Variants in ZNF444 observed in about 807,000 individuals in gnomAD.
ZNF444 encodes the protein endothelial zinc finger protein 2.
ZNF444 carries 8 observed loss-of-function variants against 14.4 expected under a neutral mutation model. The ratio of observed to expected loss-of-function variants is 0.56; its 90% CI spans 0.33 to 1.00. ZNF444 has a LOEUF of 1.00. Ranked by LOEUF, ZNF444 falls within the 50% of genes least tolerant of loss-of-function variation. ZNF444 has a pLI of 0.03. For missense variants in ZNF444, 510 were observed against 504.8 expected (o/e 1.01, Z -0.10); for synonymous variants, 258 against 235.9 (o/e 1.09, Z -0.86).
chr19:56,135,316 A>G (rs191345731), intron 1 of ZNF444, among the ~76,000 whole-genome samples: 15 of 152,328 alleles, frequency 9.8e-5, no homozygotes, highest in African/African-American at 3.4e-4. Context: ...GTTGCATCCC[A>G]TGAAGCTGGC....
upstream of ZNF444, chr19:56,140,867 G>A (rs1199088562): frequency 1.3e-5 from 2 of 152,268 alleles, no homozygotes; most frequent in Non-Finnish European, 2.9e-5. Flanking sequence ...ACGCCGCCAT[G>A]GCTCCTCCTC....
At position 56,160,551 on chromosome 19, in the gene ZNF444, T is replaced by G; in HGVS notation, c.*350T>G. 8.2e-5 allele frequency: 20 copies of G among 243,560 alleles called. No individual in the cohort carries two copies. The highest frequency in any genetic ancestry group is 9.4e-5 in the Non-Finnish European group (12 of 127,266). 15.1% of individuals were successfully genotyped at this position (243,560 alleles called of 1,614,324 possible). A position where few individuals can be genotyped will look rare whatever the true frequency, so the allele number is the denominator to read the frequency against. ...CCTCCATTCCTCTCTCCCTGCCCTT[T>G]TCCTGCCTGAAGAGCAGAGGTGAGG... On this transcript the variant is annotated 3_prime_UTR_variant, in exon 5 of 5. Coordinates refer to ENST00000337080, the MANE Select transcript of ZNF444 (RefSeq NM_018337.4).
In ZNF444 at chr19:56,158,611, C is replaced by T. The variant is rs1312008707; in HGVS notation, c.406+9C>T. 1 of 1,596,618 alleles carries T rather than the reference C, an allele frequency of 6.3e-7. No individual in the cohort carries two copies. The highest frequency in any genetic ancestry group is 8.5e-7 in the Non-Finnish European group (1 of 1,171,058). Reference sequence around the variant, plus strand: ...TGGGATGATTCCCTTAGGTGAGCTGCTGGCCTCTCTGGTTCTCCCCGCCAG... The same window carrying T: ...TGGGATGATTCCCTTAGGTGAGCTGTTGGCCTCTCTGGTTCTCCCCGCCAG... On this transcript the variant is annotated intron_variant, in intron 4 of 4. Transcript: ENST00000337080.
upstream of ZNF444, among the ~76,000 whole-genome samples, chr19:56,137,650 G>A (rs1040635072): frequency 5.9e-5 from 9 of 152,206 alleles, no homozygotes; most frequent in African/African-American, 1.9e-4. Context: ...TGTGTGCCCC[G>A]GCTCAGTTCT....
intron 3 of ZNF444, among the ~76,000 whole-genome samples, chr19:56,148,755 C>T (rs936130822): frequency 2.0e-5 from 3 of 152,060 alleles, no homozygotes; most frequent in Admixed American, 6.5e-5. Context: ...ACAAACGCAG[C>T]GGCTTAGAAA....
intron 3 of ZNF444, among the ~76,000 whole-genome samples, chr19:56,148,295 C>A (rs370811291): frequency 1.3e-5 from 2 of 152,246 alleles, no homozygotes; most frequent in East Asian, 3.9e-4. Flanking sequence ...CCACCTCGAG[C>A]GGCACAGGGG....
rs888047487 is a variant in ZNF444 at position 56,147,250 on chromosome 19, G to A, written c.297+42G>A. On this transcript the variant is annotated intron_variant, in intron 3 of 4. Transcript: ENST00000337080. This position sits in a 1 kb window ranked among gnomAD's most constrained non-coding sequence, Gnocchi z 5.9. ...TGCAAGCGGGGAAGGGAGAGGGGAA[G>A]GTGCCAGGGAAGCCACCAGGAAGCC... 3.6e-6 allele frequency: 5 copies of A among 1,394,484 alleles called. No homozygotes were observed. Among genetic ancestry groups the A allele is most frequent in the Non-Finnish European group, 3.7e-6 (4 of 1,080,660 alleles). The allele number at this position is 1,394,484 out of a possible 1,614,324, so 86.4% of individuals were successfully genotyped here.
chr19:56,149,346 T>C (rs1298562384), intron 3 of ZNF444, among the ~76,000 whole-genome samples: 1 of 107,320 alleles, frequency 9.3e-6, no homozygotes, highest in Non-Finnish European at 1.9e-5. Context: ...CCTTGACCTC[T>C]GCTTCCATCC....
chr19:56,159,580 C>T lies in ZNF444; in HGVS notation c.407-44C>T, dbSNP rs199868589. 9.8e-5 allele frequency: 138 copies of T among 1,411,700 alleles called. No homozygotes were observed. In the East Asian group the frequency reaches 3.0e-3, roughly 31 times the overall value. 87.4% of individuals were successfully genotyped at this position (1,411,700 alleles called of 1,614,324 possible). A position where few individuals can be genotyped will look rare whatever the true frequency, so the allele number is the denominator to read the frequency against. ...ACCCCAGCCTGTGCTGTCCTTGCCC[C>T]GCCCTCGTGCCGACCCAGATGCTGA... On this transcript the variant is annotated intron_variant, in intron 4 of 4. Coordinates refer to ENST00000337080, the MANE Select transcript of ZNF444 (RefSeq NM_018337.4).
Position 56,160,207 on chromosome 19 carries a change from TCCCGGCCAGCGCCATCTCCCG to T in ZNF444, c.*10_*30del. The T allele has an allele frequency of 7.0e-7, 1 of 1,435,656 alleles. No individual in the cohort carries two copies. The highest frequency in any genetic ancestry group is 9.0e-7 in the Non-Finnish European group (1 of 1,105,684). The allele number at this position is 1,435,656 out of a possible 1,614,324, so 88.9% of individuals were successfully genotyped here. ...CGCCCTGGCCCTTGGGTTAGCCGCCTCCCGGCCAGCGCCATCTCCCGCCCTTGGTGCTGCCCCCGGGCGGTA... is the reference window on the plus strand; with the variant it reads ...CGCCCTGGCCCTTGGGTTAGCCGCCTCCCTTGGTGCTGCCCCCGGGCGGTA... On this transcript the variant is annotated 3_prime_UTR_variant, in exon 5 of 5. Transcript: ENST00000337080.
chr19:56,144,001 G>A lies in ZNF444; in HGVS notation c.-196-2246G>A, dbSNP rs929799915. On this transcript the variant is annotated intron_variant, in intron 1 of 4. Transcript: ENST00000337080. The surrounding 1 kb of genome is among the most constrained non-coding windows in gnomAD (Gnocchi z 4.0). Reference sequence around the variant, plus strand: ...GGCCCTGTGGTGGGCACTGGCCTTCGGTCCAAGAAGATAGAAAGTGAGCCA... The same window carrying A: ...GGCCCTGTGGTGGGCACTGGCCTTCAGTCCAAGAAGATAGAAAGTGAGCCA... Among the ~76,000 whole-genome samples, 1 of 152,106 alleles carries A rather than the reference G, an allele frequency of 6.6e-6. No individual in the cohort carries two copies. The highest frequency in any genetic ancestry group is 1.5e-5 in the Non-Finnish European group (1 of 68,030).
chr19:56,137,575 C>T (rs76136474), upstream of ZNF444, among the ~76,000 whole-genome samples: 3,545 of 152,268 alleles, frequency 0.023, 133 homozygotes, highest in African/African-American at 0.081. Context: ...CTGTATATGA[C>T]ATGCAGGCAC....
At chr19:56,152,496 T>C (rs2031648763) in intron 3 of ZNF444, among the ~76,000 whole-genome samples, 1 of 151,860 alleles carries the variant, frequency 6.6e-6, no homozygotes, top group African/African-American at 2.4e-5. Flanking sequence ...TTTTTTTTTT[T>C]TTTAATAGAG....
intron 3 of ZNF444, among the ~76,000 whole-genome samples, chr19:56,153,862 A>G (rs1427080679): frequency 6.6e-6 from 1 of 152,228 alleles, no homozygotes. Context: ...GCACAGGAAA[A>G]TAGCACAGGG....
chr19:56,157,067 C>A (rs581486), intron 3 of ZNF444: 14,480 of 152,376 alleles, frequency 0.095, 1,176 homozygotes, highest in East Asian at 0.4. Flanking sequence ...CCTGCCCAGC[C>A]TCTGCCTGTG....
At position 56,144,271 on chromosome 19, in the gene ZNF444, A is replaced by T. The variant is rs1200235897; in HGVS notation, c.-196-1976A>T. ...CTGCAATGAGCCGAGAGGTCATGCC[A>T]CCGCTCCAGCCTGGGCGACAGAGAG... On this transcript the variant is annotated intron_variant, in intron 1 of 4. Transcript: ENST00000337080. The surrounding 1 kb of genome is among the most constrained non-coding windows in gnomAD (Gnocchi z 4.0). Among the ~76,000 whole-genome samples, 1 of 152,018 alleles carries T rather than the reference A, an allele frequency of 6.6e-6. No homozygotes were observed.
chr19:56,135,861 A>T (rs2030597438), intron 1 of ZNF444, among the ~76,000 whole-genome samples: 1 of 151,646 alleles, frequency 6.6e-6, no homozygotes, highest in South Asian at 2.1e-4. Context: ...GGTGGGCCTC[A>T]CTTGAGATCA....
At chr19:56,136,081 C>CAA (rs1199112916) in intron 1 of ZNF444, among the ~76,000 whole-genome samples, 825 of 59,456 alleles carry the variant, frequency 0.014, 73 homozygotes, top group African/African-American at 0.061. Context: ...GATTCCGTCT[C>CAA]AAAAAAAAAA....
Position 56,147,082 on chromosome 19 carries a change from G to A in ZNF444, c.171G>A (p.Glu57=), listed in dbSNP as rs918747854. 2.5e-6 allele frequency: 4 copies of A among 1,589,248 alleles called. No homozygotes were observed. The highest frequency in any genetic ancestry group is 3.4e-6 in the Non-Finnish European group (4 of 1,170,824). ...DWLRPEVHTK[E]QMLELLVLEQ... is the part of the protein sequence containing the mutation. ...TGCGGCCCGAGGTGCACACCAAGGA[G>A]CAGATGTTGGAGCTGCTGGTGCTGG... The change falls in exon 3 of 5, where the codon GAG becomes GAA. Residue 57 remains glutamate (E), a synonymous_variant. Coordinates refer to ENST00000337080, the MANE Select transcript of ZNF444 (RefSeq NM_018337.4). This position sits in a 1 kb window ranked among gnomAD's most constrained non-coding sequence, Gnocchi z 5.9.
Sources: allele counts gnomAD v4.1 joint callset (sites outside exome capture counted in the v4.1 genomes callset), GRCh38; gene constraint gnomAD v4.1.1; non-coding constraint Gnocchi (gnomAD v3.1); transcripts MANE v1.5; gene names NCBI Gene and HGNC (gene_info 2026-07-23, HGNC 2026-07-21).